Variants in KDM6A observed in about 807,000 individuals in gnomAD.
The protein encoded by KDM6A is lysine-specific demethylase 6A.
Under a neutral mutation model 117.6 loss-of-function variants are expected in KDM6A, and 11 were observed. The ratio of observed to expected loss-of-function variants is 0.09; its 90% CI spans 0.06 to 0.15. KDM6A has a LOEUF of 0.15. Among genes scored for constraint, KDM6A ranks in the 10% least tolerant of loss-of-function variants. The pLI is 1.00. For synonymous variants in KDM6A, 384 were observed against 396.1 expected (o/e 0.97, Z 0.36); for missense variants, 799 against 1,077.3 (o/e 0.74, Z 3.62).
intron 2 of KDM6A, among the ~76,000 whole-genome samples, chrX:44,945,045 C>G (rs1029639988): frequency 9.0e-6 from 1 of 111,368 alleles, no homozygotes; most frequent in Non-Finnish European, 1.9e-5. Context: ...AAAAAGTATA[C>G]TTTCATCTTC....
At chrX:45,071,819 G>T (rs1362780358) in intron 18 of KDM6A, among the ~76,000 whole-genome samples, 2 of 109,243 alleles carry the variant, frequency 1.8e-5, no homozygotes, top group Non-Finnish European at 3.8e-5. Context: ...GCCCAGGCTG[G>T]AGTGCAATGG....
intron 2 of KDM6A, among the ~76,000 whole-genome samples, chrX:44,878,822 A>G (rs1185328854): frequency 9.1e-6 from 1 of 110,319 alleles, no homozygotes; most frequent in Non-Finnish European, 1.9e-5. Flanking sequence ...TCCAGGTTCA[A>G]GTGATTCTTA....
intron 2 of KDM6A, among the ~76,000 whole-genome samples, chrX:44,890,642 C>CTTTTTTTT (rs761568154): frequency 5.8e-5 from 2 of 34,766 alleles, no homozygotes; most frequent in Non-Finnish European, 1.0e-4. Context: ...TGATGTTGAA[C>CTTTTTTTT]TTTTTTTTTT....
intron 17 of KDM6A, among the ~76,000 whole-genome samples, chrX:45,064,607 G>C (rs953214890): frequency 3.6e-5 from 4 of 111,904 alleles, no homozygotes; most frequent in Non-Finnish European, 1.9e-5. Flanking sequence ...TCCATGATAT[G>C]GGTACTCGCT....
At chrX:44,907,667 C>T (rs1336366749) in intron 2 of KDM6A, among the ~76,000 whole-genome samples, 1 of 106,443 alleles carries the variant, frequency 9.4e-6, no homozygotes, top group Non-Finnish European at 1.9e-5. Context: ...AGGCTGGTCT[C>T]GAACTCCTGA....
intron 6 of KDM6A, among the ~76,000 whole-genome samples, chrX:45,028,109 G>A (rs960147150): frequency 7.2e-5 from 8 of 111,877 alleles, no homozygotes; most frequent in Admixed American, 2.8e-4. Flanking sequence ...CACCACGCCC[G>A]GCCTGTACTT....
At chrX:45,022,622 G>A (rs1454567168) in intron 6 of KDM6A, among the ~76,000 whole-genome samples, 1 of 111,769 alleles carries the variant, frequency 8.9e-6, no homozygotes, top group Non-Finnish European at 1.9e-5. Flanking sequence ...ATGAGTGAAG[G>A]TAGGAATAGA....
chrX:45,014,877 T>C (rs977516139), intron 5 of KDM6A, among the ~76,000 whole-genome samples: 1 of 111,523 alleles, frequency 9.0e-6, no homozygotes, highest in Non-Finnish European at 1.9e-5. Flanking sequence ...CAGAATGGTC[T>C]TATGGCAGCA....
At chrX:44,876,894 C>T (rs1438129276) in intron 2 of KDM6A, among the ~76,000 whole-genome samples, 1 of 110,126 alleles carries the variant, frequency 9.1e-6, no homozygotes, top group African/African-American at 3.4e-5. Context: ...TACATATATA[C>T]ACACGTATAC....
At chrX:44,950,385 T>G (rs2037922144) in intron 2 of KDM6A, among the ~76,000 whole-genome samples, 2 of 111,988 alleles carry the variant, frequency 1.8e-5, no homozygotes, top group South Asian at 7.3e-4. Flanking sequence ...CATACTGTCC[T>G]TGGCCCCAAA....
At chrX:45,011,916 G>T (rs1453925324) in intron 5 of KDM6A, among the ~76,000 whole-genome samples, 2 of 110,556 alleles carry the variant, frequency 1.8e-5, no homozygotes, top group Non-Finnish European at 3.8e-5. Flanking sequence ...CTCCCAAGTA[G>T]CTGGGACCAC....
rs748157886 is a variant in KDM6A at position 45,060,653 on chromosome X, C to T, written c.1374C>T (p.Leu458=). 66 of 1,068,253 alleles carry T rather than the reference C, an allele frequency of 6.2e-5. No homozygotes were observed. The highest frequency in any genetic ancestry group is 1.9e-5 in the South Asian group (1 of 51,638). The allele number at this position is 1,068,253 out of a possible 1,213,427, so 88.0% of individuals were successfully genotyped here. A position where few individuals can be genotyped will look rare whatever the true frequency, so the allele number is the denominator to read the frequency against. Residue 458 remains leucine, a synonymous_variant, in exon 14 of 30, where the codon CTC becomes CTT. Coordinates refer to ENST00000611820, the MANE Select transcript of KDM6A (RefSeq NM_001291415.2). ...HHPNTEPVLG[L]SQTPISQQSL... Reference sequence around the variant, plus strand: ...CAAATACTGAACCTGTATTAGGCCTCAGTCAAACACCAATTTCACAGCAAT... The same window carrying T: ...CAAATACTGAACCTGTATTAGGCCTTAGTCAAACACCAATTTCACAGCAAT...
chrX:45,009,956 G>A (rs12850254), intron 4 of KDM6A, among the ~76,000 whole-genome samples: 1 of 112,074 alleles, frequency 8.9e-6, no homozygotes, highest in African/African-American at 3.2e-5. Context: ...ATGCAACGCA[G>A]GCAGCATGAC....
intron 8 of KDM6A, among the ~76,000 whole-genome samples, chrX:45,043,247 G>T (rs185950039): frequency 9.0e-6 from 1 of 110,888 alleles, no homozygotes; most frequent in Non-Finnish European, 1.9e-5. Context: ...CTGAGATCTC[G>T]CCACTGCGCT....
chrX:45,066,089 T>C (rs749592210), intron 17 of KDM6A, among the ~76,000 whole-genome samples: 7 of 112,028 alleles, frequency 6.2e-5, no homozygotes, highest in African/African-American at 9.7e-5. Context: ...AAAAGAATAA[T>C]ATATGATACT....
intron 2 of KDM6A, among the ~76,000 whole-genome samples, chrX:44,935,337 G>T (rs1222011626): frequency 1.8e-5 from 2 of 110,833 alleles, no homozygotes; most frequent in Admixed American, 1.9e-4. Flanking sequence ...ATGAGAAAGG[G>T]ATATATACAC....
intron 4 of KDM6A, among the ~76,000 whole-genome samples, chrX:44,983,268 A>G (rs1349258081): frequency 9.0e-6 from 1 of 111,667 alleles, no homozygotes. Context: ...GGTAGTGGAT[A>G]AACTAGTGGA....
At position 45,017,434 on chromosome X, in the gene KDM6A, C is replaced by A. The variant is rs140052362; in HGVS notation, c.444-3176C>A. Among the ~76,000 whole-genome samples, 11 of 111,348 alleles carry A rather than the reference C, an allele frequency of 9.9e-5. No individual in the cohort carries two copies. In the East Asian group the frequency reaches 2.5e-3, roughly 26 times the overall value. On this transcript the variant is annotated intron_variant, in intron 5 of 29. Coordinates refer to ENST00000611820, the MANE Select transcript of KDM6A (RefSeq NM_001291415.2). ...GAGTGTTACCTATTTTCTCTACCCT[C>A]CCACTCCCTCAACTCTTAACTCTAA...
Position 44,911,552 on chromosome X carries a change from C to T in KDM6A, c.225+37565C>T, listed in dbSNP as rs769499998. On this transcript the variant is annotated intron_variant, in intron 2 of 29. Coordinates refer to ENST00000611820, the MANE Select transcript of KDM6A (RefSeq NM_001291415.2). ...CTCCTGACTTCCCAGACTGGGCAGC[C>T]GGGCAGAGGGGCTCTTCACATCCCA... is the stretch of plus-strand genomic sequence containing the variant. 5.5e-5 allele frequency among the ~76,000 whole-genome samples: 6 copies of T among 108,558 alleles called. No individual in the cohort carries two copies. The East Asian group carries it at 1.5e-3, about 27-fold the overall frequency. The allele number at this position is 108,558 out of a possible 115,157, so 94.3% of individuals were successfully genotyped here.
Sources: allele counts gnomAD v4.1 joint callset (sites outside exome capture counted in the v4.1 genomes callset), GRCh38; gene constraint gnomAD v4.1.1; transcripts MANE v1.5; gene names NCBI Gene and HGNC (gene_info 2026-07-23, HGNC 2026-07-21).